The following SDC2 variants were observed in gnomAD, a reference collection of about 807,000 sequenced individuals.
SDC2 encodes syndecan 2.
Under a neutral mutation model 22.2 loss-of-function variants are expected in SDC2, and 13 were observed. That is an observed-to-expected ratio of 0.59 (90% CI 0.38 to 0.93). The LOEUF is 0.93. Among genes scored for constraint, SDC2 ranks in the 40% least tolerant of loss-of-function variants. The pLI, the probability that SDC2 is intolerant of heterozygous loss-of-function variation, is 0.00. For synonymous variants in SDC2, 94 were observed against 92.8 expected (o/e 1.01, Z -0.07); for missense variants, 235 against 246.8 (o/e 0.95, Z 0.32).
At chr8:96,535,016 T>TG (rs1420690619) in intron 1 of SDC2, among the ~76,000 whole-genome samples, 1 of 152,060 alleles carries the variant, frequency 6.6e-6, no homozygotes, top group African/African-American at 2.4e-5. Context: ...ATTTTTTTTT[T>TG]TTTTCGAGTC....
intron 1 of SDC2, among the ~76,000 whole-genome samples, chr8:96,522,172 A>T (rs1435583923): frequency 6.6e-6 from 1 of 152,162 alleles, no homozygotes; most frequent in Non-Finnish European, 1.5e-5. Flanking sequence ...TATAGCTGTA[A>T]ATAAAGGGGA....
At chr8:96,571,265 A>C (rs1814389295) in intron 1 of SDC2, among the ~76,000 whole-genome samples, 1 of 152,092 alleles carries the variant, frequency 6.6e-6, no homozygotes, top group Admixed American at 6.6e-5. Context: ...ATGAGAGGGA[A>C]CTGACCACAC....
At chr8:96,497,198 T>C (rs187986248) in intron 1 of SDC2, among the ~76,000 whole-genome samples, 1 of 152,270 alleles carries the variant, frequency 6.6e-6, no homozygotes, top group Admixed American at 6.5e-5. Context: ...AGGCAGGCTC[T>C]GGAAAGTTTG....
At chr8:96,526,631 C>T (rs1332176329) in intron 1 of SDC2, among the ~76,000 whole-genome samples, 1 of 151,612 alleles carries the variant, frequency 6.6e-6, no homozygotes, top group African/African-American at 2.4e-5. Context: ...ATTAAAGAAT[C>T]AAGCTAGTAA....
chr8:96,545,017 C>G (rs1408150435), intron 1 of SDC2, among the ~76,000 whole-genome samples: 3 of 152,164 alleles, frequency 2.0e-5, no homozygotes. Context: ...TTTTTAGAAG[C>G]TCAGTGAGTT....
At chr8:96,544,165 A>G (rs1813895357) in intron 1 of SDC2, among the ~76,000 whole-genome samples, 2 of 152,158 alleles carry the variant, frequency 1.3e-5, no homozygotes, top group South Asian at 2.1e-4. Context: ...ATGTTGTCCT[A>G]CAGTATTCCT....
At chr8:96,553,584 GA>G (rs974468975) in intron 1 of SDC2, among the ~76,000 whole-genome samples, 7 of 151,518 alleles carry the variant, frequency 4.6e-5, no homozygotes, top group African/African-American at 1.7e-4. Flanking sequence ...AGAGCCATTC[GA>G]TTTTTTTTTT....
At chr8:96,601,173 G>A (rs1192872479) in intron 2 of SDC2, among the ~76,000 whole-genome samples, 2 of 152,156 alleles carry the variant, frequency 1.3e-5, no homozygotes, top group African/African-American at 4.8e-5. Flanking sequence ...TTCTACTAGA[G>A]GAAGGCGATT....
intron 1 of SDC2, among the ~76,000 whole-genome samples, chr8:96,509,926 T>C (rs1012290778): frequency 2.0e-5 from 3 of 152,198 alleles, no homozygotes; most frequent in Admixed American, 2.0e-4. Flanking sequence ...GATCATACTT[T>C]TTTCTTTTGA....
chr8:96,607,108 T>TC (rs143121083), intron 3 of SDC2, among the ~76,000 whole-genome samples: 4,028 of 151,656 alleles, frequency 0.027, 171 homozygotes, highest in African/African-American at 0.091. Flanking sequence ...AATAGTTTCA[T>TC]CCCCCTCCAT....
chr8:96,552,735 T>C (rs1244437855), intron 1 of SDC2, among the ~76,000 whole-genome samples: 2 of 152,224 alleles, frequency 1.3e-5, no homozygotes, highest in African/African-American at 4.8e-5. Flanking sequence ...CCATTTTGTT[T>C]CTTGGTTATG....
At chr8:96,580,880 A>C (rs991526891) in intron 1 of SDC2, among the ~76,000 whole-genome samples, 3 of 152,188 alleles carry the variant, frequency 2.0e-5, no homozygotes, top group African/African-American at 7.2e-5. Context: ...TTTTTATAAA[A>C]TAGTGTTGAA....
chr8:96,611,017 G>A lies in SDC2; in HGVS notation c.*1469G>A, dbSNP rs1815166364. 1 of 152,638 alleles carries A rather than the reference G, an allele frequency of 6.6e-6. No individual in the cohort carries two copies. The highest frequency in any genetic ancestry group is 2.1e-4 in the South Asian group (1 of 4,836). The allele number at this position is 152,638 out of a possible 1,614,324, so 9.5% of individuals were successfully genotyped here. A position where few individuals can be genotyped will look rare whatever the true frequency, so the allele number is the denominator to read the frequency against. On this transcript the variant is annotated 3_prime_UTR_variant, in exon 5 of 5. Transcript: ENST00000302190. ...GGCTTTCCTGATGTTGGTATCTAAG[G>A]CTTAGGCCTATAGATTGATTTACCT...
chr8:96,581,839 T>G (rs1321570612), intron 1 of SDC2, among the ~76,000 whole-genome samples: 1 of 152,166 alleles, frequency 6.6e-6, no homozygotes, highest in East Asian at 1.9e-4. Flanking sequence ...AAAAAAAAAT[T>G]ACTGTCCACA....
intron 1 of SDC2, among the ~76,000 whole-genome samples, chr8:96,525,706 T>C (rs73698115): frequency 0.024 from 3,635 of 152,234 alleles, 140 homozygotes; most frequent in African/African-American, 0.083. Context: ...TTCCCAAGTC[T>C]TTATTGATCT....
intron 1 of SDC2, among the ~76,000 whole-genome samples, chr8:96,543,285 GTTTC>G (rs752909487): frequency 6.6e-6 from 1 of 152,038 alleles, no homozygotes; most frequent in African/African-American, 2.4e-5. Context: ...TCTCACATTT[GTTTC>G]TTTAACTATG....
intron 1 of SDC2, among the ~76,000 whole-genome samples, chr8:96,565,645 T>A (rs1032216288): frequency 6.6e-6 from 1 of 152,154 alleles, no homozygotes; most frequent in Non-Finnish European, 1.5e-5. Context: ...TGTGTGGCCT[T>A]TATATCTGTG....
At chr8:96,523,313 T>G (rs4734346) in intron 1 of SDC2, among the ~76,000 whole-genome samples, 1 of 152,098 alleles carries the variant, frequency 6.6e-6, no homozygotes, top group East Asian at 1.9e-4. Context: ...GTGGAAGTAG[T>G]TCATGAATCC....
chr8:96,605,218 C>T (rs1425604703), intron 3 of SDC2, among the ~76,000 whole-genome samples: 2 of 152,180 alleles, frequency 1.3e-5, no homozygotes, highest in Non-Finnish European at 2.9e-5. Flanking sequence ...TAAACTCAGT[C>T]TCTCATATTA....
Sources: gnomAD v4.1 joint callset for allele counts (sites outside exome capture counted in the v4.1 genomes callset) on GRCh38, gnomAD v4.1.1 for gene constraint, MANE v1.5 for transcripts, NCBI Gene and HGNC (gene_info 2026-07-23, HGNC 2026-07-21) for gene names.